Variants in TRPM2 observed in about 807,000 individuals in gnomAD.
The protein encoded by TRPM2 is estrogen-responsive element-associated gene 1 protein.
Under a neutral mutation model 174.0 loss-of-function variants are expected in TRPM2, and 161 were observed. That is an observed-to-expected ratio of 0.93 (90% CI 0.81 to 1.05). TRPM2 has a LOEUF of 1.05. Ranked by LOEUF, TRPM2 falls within the 50% of genes least tolerant of loss-of-function variation. TRPM2 has a pLI of 0.00. For synonymous variants in TRPM2, 954 were observed against 861.3 expected (o/e 1.11, Z -1.88); for missense variants, 2,057 against 2,038.0 (o/e 1.01, Z -0.18).
Position 44,439,117 on chromosome 21 carries a change from C to A in TRPM2, c.4218C>A (p.Leu1406=). The A allele has an allele frequency of 6.2e-7, 1 of 1,613,788 alleles. No individual in the cohort carries two copies. Among genetic ancestry groups the A allele is most frequent in the Non-Finnish European group, 8.5e-7 (1 of 1,179,890 alleles). Residue 1406 remains leucine, a synonymous_variant, in exon 30 of 32, where the codon CTC becomes CTA. Coordinates refer to ENST00000397928, the MANE Select transcript of TRPM2 (RefSeq NM_003307.4). This position sits in a 1 kb window ranked among gnomAD's most constrained non-coding sequence, Gnocchi z 5.1. The stretch of plus-strand genomic sequence containing the variant: ...TACCTCGGAAGCTGAAGCGGATCCT[C>A]CGGCAGGAGCACTGGCCGTCTTTTG... ...EMLPRKLKRI[L]RQEHWPSFEN...
chr21:44,405,220 G>A lies in TRPM2; in HGVS notation c.2617G>A (p.Val873Ile), dbSNP rs150962727. 782 of 1,613,404 alleles carry A rather than the reference G, an allele frequency of 4.8e-4. 4 individuals carry two copies. The African/African-American group carries it at 8.7e-3, about 18-fold the overall frequency. The change falls in exon 17 of 32, where the codon GTC becomes ATC. Residue 873 changes from valine to isoleucine, a missense_variant. By Grantham distance (29) the Val-to-Ile change is conservative. Coordinates refer to ENST00000397928, the MANE Select transcript of TRPM2 (RefSeq NM_003307.4). ...CAGTGACTTCTGGAATAAGCTGGACGTCGGCGCAATCTTGCTCTTCGTGGC... is the reference window on the plus strand; with the variant it reads ...CAGTGACTTCTGGAATAAGCTGGACATCGGCGCAATCTTGCTCTTCGTGGC... ...YFSDFWNKLDVGAILLFVAGL... is the reference protein window; with the variant it reads ...YFSDFWNKLDIGAILLFVAGL...
chr21:44,401,878 T>G lies in TRPM2; in HGVS notation c.2519T>G (p.Val840Gly). 1 of 1,613,808 alleles carries G rather than the reference T, an allele frequency of 6.2e-7. No individual in the cohort carries two copies. ...ATCTACCTCTGGCTCTTCTCCTTGG[T>G]GTGCGAGGAGATGCGGCAGGTACAG... ...CAIYLWLFSL[V>G]CEEMRQLFYD... Residue 840 changes from valine (V) to glycine (G), a missense_variant, in exon 16 of 32, where the codon GTG becomes GGG. Val to Gly is a moderately radical substitution (Grantham distance 109, BLOSUM62 -3). Transcript: ENST00000397928.
rs1356361220 is a variant in TRPM2, at chr21:44,366,205, A to G, written c.424-549A>G. Among the ~76,000 whole-genome samples the G allele has an allele frequency of 6.6e-6, 1 of 151,500 alleles. No homozygotes were observed. Among genetic ancestry groups the G allele is most frequent in the Non-Finnish European group, 1.5e-5 (1 of 67,968 alleles). ...GAGGCAGAGGAAGCTGGGCCCACTG[A>G]GTCCCCAGGACGGGCCAGGGCACAG... On this transcript the variant is annotated intron_variant, in intron 3 of 31. Transcript: ENST00000397928. This position sits in a 1 kb window ranked among gnomAD's most constrained non-coding sequence, Gnocchi z 6.0.
intron 22 of TRPM2, among the ~76,000 whole-genome samples, chr21:44,421,030 C>T (rs990562244): frequency 6.6e-6 from 1 of 152,160 alleles, no homozygotes; most frequent in Non-Finnish European, 1.5e-5. Context: ...CCAAATGAAT[C>T]AGTCCCAGGC....
In TRPM2 at chr21:44,437,297, C is replaced by T. The variant is rs544343618; in HGVS notation, c.4167+130C>T. Reference sequence around the variant, plus strand: ...CTGCAGCCCCTGGGCAGGGAGGGTTCGAGACCCCGCCTGTTTTGTCTGTAG... The same window carrying T: ...CTGCAGCCCCTGGGCAGGGAGGGTTTGAGACCCCGCCTGTTTTGTCTGTAG... On this transcript the variant is annotated intron_variant, in intron 29 of 31. Coordinates refer to ENST00000397928, the MANE Select transcript of TRPM2 (RefSeq NM_003307.4). 1.4e-4 allele frequency: 107 copies of T among 760,920 alleles called. 2 individuals are homozygous for T. In the South Asian group the frequency reaches 1.4e-3, roughly 10 times the overall value. The allele number at this position is 760,920 out of a possible 1,614,324, so 47.1% of individuals were successfully genotyped here. A position where few individuals can be genotyped will look rare whatever the true frequency, so the allele number is the denominator to read the frequency against.
rs540217103 is a variant in TRPM2, at chr21:44,399,665, G to A, written c.2208+224G>A. Among the ~76,000 whole-genome samples, 6 of 152,338 alleles carry A rather than the reference G, an allele frequency of 3.9e-5. No individual in the cohort carries two copies. In the East Asian group the frequency reaches 7.7e-4, roughly 20 times the overall value. On this transcript the variant is annotated intron_variant, in intron 14 of 31. Coordinates refer to ENST00000397928, the MANE Select transcript of TRPM2 (RefSeq NM_003307.4). This position sits in a 1 kb window ranked among gnomAD's most constrained non-coding sequence, Gnocchi z 4.6. ...AGCAAAAGCAGGAGCTGGTGGCCAT[G>A]GAGATCGCAATTCACCTCCCCATGG...
At chr21:44,426,850 G>A (rs755249210) in intron 26 of TRPM2, 114 bp downstream of exon 26, 11 of 1,378,370 alleles carry the variant, frequency 8.0e-6, no homozygotes, top group Middle Eastern at 5.0e-4. Flanking sequence ...GTGAGCAGGA[G>A]GGGCCCGTGG....
In TRPM2 at chr21:44,391,350, G is replaced by A. The variant is rs758907701; in HGVS notation, c.1519G>A (p.Gly507Arg). ...GTTTGTGAAGCTCTTCCTGGAGAAC[G>A]GGGTGCAGCTGAAGGAGTTTGTCAC... is the stretch of plus-strand genomic sequence containing the variant. ...PEFVKLFLENGVQLKEFVTWD... is the reference protein window; with the variant it reads ...PEFVKLFLENRVQLKEFVTWD... Residue 507 changes from glycine to arginine, a missense_variant, in exon 11 of 32, where the codon GGG (glycine) becomes AGG (arginine). Coordinates refer to ENST00000397928, the MANE Select transcript of TRPM2 (RefSeq NM_003307.4). The surrounding 1 kb of genome is among the most constrained non-coding windows in gnomAD (Gnocchi z 5.0). 15 of 1,614,162 alleles carry A rather than the reference G, an allele frequency of 9.3e-6. No individual in the cohort carries two copies. The Admixed American group carries it at 1.7e-4, about 18-fold the overall frequency.
rs536295280 is a variant in TRPM2 at position 44,376,798 on chromosome 21, T to G, written c.952+785T>G. Among the ~76,000 whole-genome samples the G allele has an allele frequency of 6.6e-6, 1 of 152,218 alleles. No homozygotes were observed. Among genetic ancestry groups the G allele is most frequent in the African/African-American group, 2.4e-5 (1 of 41,518 alleles). On this transcript the variant is annotated intron_variant, in intron 6 of 31. Coordinates refer to ENST00000397928, the MANE Select transcript of TRPM2 (RefSeq NM_003307.4). This position sits in a 1 kb window ranked among gnomAD's most constrained non-coding sequence, Gnocchi z 4.2. ...TTGCAGGGTTCCTTGTGCATCGAAC[T>G]CCCCTGGAGGGTTCCTCACCAGCTT...
intron 7 of TRPM2, among the ~76,000 whole-genome samples, 153 bp downstream of exon 7, chr21:44,377,926 C>T (rs1207011346): frequency 3.3e-5 from 5 of 152,196 alleles, no homozygotes; most frequent in East Asian, 1.9e-4. Context: ...TACGCTGTGT[C>T]GGGGCTGCTT....
At chr21:44,404,011 C>G (rs1173348749) in intron 16 of TRPM2, among the ~76,000 whole-genome samples, 1 of 150,836 alleles carries the variant, frequency 6.6e-6, no homozygotes, top group Admixed American at 6.6e-5. Flanking sequence ...TACACACATG[C>G]ACATACACAA....
intron 16 of TRPM2, among the ~76,000 whole-genome samples, chr21:44,403,031 G>A (rs551502763): frequency 5.6e-4 from 85 of 152,262 alleles, no homozygotes; most frequent in African/African-American, 1.9e-3. Flanking sequence ...AGGACTTGGC[G>A]GGGCCTGGGA....
intron 22 of TRPM2, among the ~76,000 whole-genome samples, chr21:44,418,785 G>T (rs555305094): frequency 1.3e-5 from 2 of 152,238 alleles, no homozygotes; most frequent in African/African-American, 4.8e-5. Context: ...AGGGCGCAGG[G>T]TCAGAGGCTG....
chr21:44,384,887 CCTT>C lies in TRPM2; in HGVS notation c.1318+2070_1318+2072del, dbSNP rs1285318272. 2.6e-5 allele frequency among the ~76,000 whole-genome samples: 4 copies of C among 152,338 alleles called. No individual in the cohort carries two copies. In the South Asian group the frequency reaches 8.3e-4, roughly 32 times the overall value. On this transcript the variant is annotated intron_variant, in intron 9 of 31. Transcript: ENST00000397928. Reference sequence around the variant, plus strand: ...AAATGTTTAAAGAACTAACACCAATCCTTCTCAAACTTTCCCCAACAATTCAAG... The same window carrying C: ...AAATGTTTAAAGAACTAACACCAATCCTCAAACTTTCCCCAACAATTCAAG...
intron 5 of TRPM2, among the ~76,000 whole-genome samples, chr21:44,373,590 G>T (rs1486699413): frequency 2.0e-5 from 3 of 151,310 alleles, no homozygotes; most frequent in African/African-American, 7.3e-5. Context: ...TATGCGACCT[G>T]CATTATATGC....
chr21:44,386,316 G>A (rs1196040992), intron 9 of TRPM2, among the ~76,000 whole-genome samples: 5 of 152,160 alleles, frequency 3.3e-5, no homozygotes, highest in Non-Finnish European at 7.3e-5. Context: ...GCTGAGGCAG[G>A]AGAATGGTGT....
chr21:44,437,221 G>A (rs1320731274), intron 29 of TRPM2, 54 bp downstream of exon 29: 9 of 1,482,398 alleles, frequency 6.1e-6, no homozygotes, highest in African/African-American at 2.8e-5. Flanking sequence ...TGGGTCACTC[G>A]TCCATTCATC....
chr21:44,414,267 T>TG (rs1468004876), intron 20 of TRPM2, among the ~76,000 whole-genome samples, 193 bp downstream of exon 20: 1 of 152,200 alleles, frequency 6.6e-6, no homozygotes, highest in African/African-American at 2.4e-5. Context: ...TGAGCTGGCG[T>TG]GAGTCTGTCT....
intron 5 of TRPM2, among the ~76,000 whole-genome samples, chr21:44,371,237 C>T (rs1261654225): frequency 6.6e-6 from 1 of 151,396 alleles, no homozygotes; most frequent in Non-Finnish European, 1.5e-5. Context: ...CCATGGCCGC[C>T]TCCCTCCAGT....
Sources: gnomAD v4.1 joint callset for allele counts (sites outside exome capture counted in the v4.1 genomes callset) on GRCh38, gnomAD v4.1.1 for gene constraint, Gnocchi (gnomAD v3.1) non-coding constraint, MANE v1.5 for transcripts, NCBI Gene and HGNC (gene_info 2026-07-23, HGNC 2026-07-21) for gene names.